DNMT3B: variants seen among roughly 807,000 people sequenced by gnomAD.
DNMT3B encodes DNA (cytosine-5)-methyltransferase 3B.
Under a neutral mutation model 120.2 loss-of-function variants are expected in DNMT3B, and 37 were observed. That is an observed-to-expected ratio of 0.31 (90% CI 0.24 to 0.40). The LOEUF (loss-of-function observed/expected upper bound fraction) is 0.40, where lower values mean the gene tolerates loss of function less well. DNMT3B is among the 10% of genes least tolerant of loss of function. The pLI is 1.00. For synonymous variants in DNMT3B, 412 were observed against 442.8 expected, an observed-to-expected ratio of 0.93 and a Z score of 0.87; for missense variants, 878 against 1,137.3, an observed-to-expected ratio of 0.77 and a Z score of 3.28.
At chr20:32,770,618 T>A (rs1048226447) in intron 1 of DNMT3B, among the ~76,000 whole-genome samples, 49 of 151,500 alleles carry the variant, frequency 3.2e-4, no homozygotes, top group South Asian at 2.1e-3. Flanking sequence ...TACTTTTTTT[T>A]TTTTTTTCCT....
chr20:32,791,865 G>A (rs1386518855), intron 8 of DNMT3B, among the ~76,000 whole-genome samples, 157 bp downstream of exon 8: 1 of 152,172 alleles, frequency 6.6e-6, no homozygotes, highest in African/African-American at 2.4e-5. Flanking sequence ...CCACCGGATT[G>A]GGCCTCCCAA....
intron 12 of DNMT3B, among the ~76,000 whole-genome samples, chr20:32,796,329 C>T (rs967411144): frequency 3.3e-5 from 5 of 152,188 alleles, no homozygotes; most frequent in Admixed American, 3.3e-4. Flanking sequence ...GATGCAACTC[C>T]ATGCTGACCT....
chr20:32,765,402 C>G (rs1272077970), intron 1 of DNMT3B, among the ~76,000 whole-genome samples: 1 of 148,988 alleles, frequency 6.7e-6, no homozygotes, highest in Non-Finnish European at 1.5e-5. Context: ...TGGTGGTGAG[C>G]ATTTTCTTTC....
intron 20 of DNMT3B, among the ~76,000 whole-genome samples, chr20:32,803,363 C>T (rs1981585898): frequency 6.6e-6 from 1 of 152,220 alleles, no homozygotes. Flanking sequence ...AACCTTCTGC[C>T]ACTTAGTGAA....
intron 3 of DNMT3B, among the ~76,000 whole-genome samples, chr20:32,784,530 G>C (rs1205977481): frequency 6.6e-6 from 1 of 152,150 alleles, no homozygotes; most frequent in Admixed American, 6.5e-5. Context: ...TGAGGTGTGA[G>C]GCCTGCACGA....
chr20:32,786,371 G>A, intron 4 of DNMT3B, 131 bp from the exon 5 acceptor site: 17 of 1,306,458 alleles, frequency 1.3e-5, no homozygotes, highest in South Asian at 2.5e-5. Flanking sequence ...CTCATCACCT[G>A]TTCACTTCCA....
intron 1 of DNMT3B, among the ~76,000 whole-genome samples, chr20:32,770,786 A>G (rs1249540569): frequency 4.1e-5 from 6 of 146,572 alleles, no homozygotes; most frequent in Non-Finnish European, 9.0e-5. Flanking sequence ...CTAATTTTGT[A>G]TTTTTAGTGG....
At chr20:32,791,751 G>A in intron 8 of DNMT3B, 43 bp downstream of exon 8, 1 of 1,605,944 alleles carries the variant, frequency 6.2e-7, no homozygotes, top group African/African-American at 1.3e-5. Flanking sequence ...CTGAGAGCAG[G>A]GATGAAGCAA....
Position 32,800,843 on chromosome 20 carries a change from A to T in DNMT3B, c.1914A>T (p.Glu638Asp). Residue 638 changes from glutamate to aspartate, a missense_variant, in exon 18 of 23, where the codon GAA becomes GAT. By Grantham distance (45) the Glu-to-Asp change is conservative. Transcript: ENST00000328111. ...VRNITKKNIE[E>D]WGPFDLVIGG... ...CTGTCTCTCTCTTTCAGATTGAAGA[A>T]TGGGGCCCATTTGACTTGGTGATTG... The T allele has an allele frequency of 6.2e-7, 1 of 1,614,174 alleles. No homozygotes were observed. Among genetic ancestry groups the T allele is most frequent in the Non-Finnish European group, 8.5e-7 (1 of 1,180,026 alleles).
At position 32,800,271 on chromosome 20, in the gene DNMT3B, C is replaced by G; in HGVS notation, c.1878C>G (p.Asn626Lys). ...ACGAGGGGAATATCAAATACGTGAA[C>G]GACGTGAGGAACATCACAAAGAAAA... is the stretch of plus-strand genomic sequence containing the variant. The part of the protein sequence containing the change: ...VKHEGNIKYV[N>K]DVRNITKKNI... Residue 626 changes from asparagine (N) to lysine (K), a missense_variant, in exon 17 of 23, where the codon AAC becomes AAG. Transcript: ENST00000328111. 2.5e-6 allele frequency: 4 copies of G among 1,614,142 alleles called. No individual in the cohort carries two copies. The highest frequency in any genetic ancestry group is 3.4e-6 in the Non-Finnish European group (4 of 1,180,042).
intron 1 of DNMT3B, among the ~76,000 whole-genome samples, chr20:32,770,610 C>CATT (rs58422530): frequency 1.9e-4 from 28 of 144,766 alleles, no homozygotes; most frequent in East Asian, 4.0e-4. Context: ...CTCCGCCTTA[C>CATT]TTTTTTTTTT....
intron 12 of DNMT3B, 120 bp downstream of exon 12, chr20:32,795,814 G>A (rs192201717): frequency 1.5e-6 from 2 of 1,314,994 alleles, no homozygotes; most frequent in Admixed American, 1.8e-5. Flanking sequence ...TTAACCTCAG[G>A]CCAAGGCCTA....
intron 4 of DNMT3B, among the ~76,000 whole-genome samples, chr20:32,785,711 G>T (rs942888949): frequency 5.3e-5 from 8 of 152,098 alleles, no homozygotes; most frequent in Non-Finnish European, 7.4e-5. Flanking sequence ...TTGGACACAG[G>T]TTCTGCAACA....
chr20:32,778,277 G>A (rs1014552912), intron 1 of DNMT3B, among the ~76,000 whole-genome samples: 3 of 152,002 alleles, frequency 2.0e-5, no homozygotes, highest in Non-Finnish European at 2.9e-5. Flanking sequence ...CAGAGGTTGC[G>A]GTGAGCTGAG....
At chr20:32,783,721 TTTTG>T (rs1266649136) in intron 3 of DNMT3B, among the ~76,000 whole-genome samples, 6 of 152,024 alleles carry the variant, frequency 3.9e-5, no homozygotes, top group Admixed American at 1.3e-4. Flanking sequence ...ACACGTTTCT[TTTTG>T]TTTGTTTGTT....
At chr20:32,783,980 G>A (rs981138853) in intron 3 of DNMT3B, among the ~76,000 whole-genome samples, 3 of 150,634 alleles carry the variant, frequency 2.0e-5, no homozygotes, top group Non-Finnish European at 4.4e-5. Context: ...GCGCGATCTC[G>A]GCTCGCTGTA....
intron 14 of DNMT3B, among the ~76,000 whole-genome samples, 192 bp from the exon 15 acceptor site, chr20:32,798,267 AG>A (rs2146027239): frequency 6.6e-6 from 1 of 152,296 alleles, no homozygotes; most frequent in East Asian, 1.9e-4. Context: ...TGTGGGATTA[AG>A]GGGGTTGGGG....
At chr20:32,792,867 C>G (rs1980151211) in intron 9 of DNMT3B, 97 bp downstream of exon 9, 1 of 1,547,180 alleles carries the variant, frequency 6.5e-7, no homozygotes, top group African/African-American at 1.4e-5. Flanking sequence ...CCCCACCCAG[C>G]TTTCTAGCAG....
intron 1 of DNMT3B, among the ~76,000 whole-genome samples, chr20:32,768,054 G>C (rs901027241): frequency 3.3e-5 from 5 of 152,064 alleles, no homozygotes; most frequent in Non-Finnish European, 7.4e-5. Flanking sequence ...GGCTCACTCT[G>C]TTGCTTAGGC....
Sources: allele counts gnomAD v4.1 joint callset (sites outside exome capture counted in the v4.1 genomes callset), GRCh38; gene constraint gnomAD v4.1.1; transcripts MANE v1.5; gene names NCBI Gene and HGNC (gene_info 2026-07-23, HGNC 2026-07-21).